Variants in DTWD2 observed in about 807,000 individuals in gnomAD.
DTWD2 encodes tRNA-uridine aminocarboxypropyltransferase 2.
Under a neutral mutation model 31.8 loss-of-function variants are expected in DTWD2, and 39 were observed. The observed-to-expected ratio is 1.22, with a 90% CI of 0.95 to 1.60. The LOEUF (loss-of-function observed/expected upper bound fraction) is 1.60, where lower values mean the gene tolerates loss of function less well. Ranked by LOEUF, DTWD2 falls within the 40% of genes most tolerant of loss-of-function variation. DTWD2 has a pLI of 0.00. For synonymous variants in DTWD2, 180 were observed against 142.8 expected (o/e 1.26, Z -1.86); for missense variants, 515 against 381.5 (o/e 1.35, Z -2.92).
At chr5:118,921,005 A>T (rs1160708844) in intron 4 of DTWD2, among the ~76,000 whole-genome samples, 2 of 152,160 alleles carry the variant, frequency 1.3e-5, no homozygotes, top group Non-Finnish European at 2.9e-5. Context: ...AACCCTTTTT[A>T]AATTATCCTT....
chr5:118,925,697 T>C (rs1580412929), intron 4 of DTWD2, among the ~76,000 whole-genome samples: 1 of 151,720 alleles, frequency 6.6e-6, no homozygotes, highest in East Asian at 2.0e-4. Flanking sequence ...TACAAAAAAT[T>C]AGCCGGGCGC....
intron 1 of DTWD2, among the ~76,000 whole-genome samples, chr5:118,975,242 T>A (rs1459277200): frequency 6.6e-6 from 1 of 152,184 alleles, no homozygotes; most frequent in Non-Finnish European, 1.5e-5. Context: ...CTTTTTTCTG[T>A]AATCTTGTCT....
intron 4 of DTWD2, among the ~76,000 whole-genome samples, chr5:118,878,528 T>G (rs867917456): frequency 6.6e-6 from 1 of 152,144 alleles, no homozygotes; most frequent in Non-Finnish European, 1.5e-5. Flanking sequence ...AATTAAAAAC[T>G]TAACTGTAAA....
At chr5:118,859,989 G>A (rs1339886534) in intron 4 of DTWD2, among the ~76,000 whole-genome samples, 1 of 151,924 alleles carries the variant, frequency 6.6e-6, no homozygotes, top group Non-Finnish European at 1.5e-5. Flanking sequence ...GTGGTAGCAT[G>A]CACCTGCAGT....
At chr5:118,974,928 C>A (rs1291707787) in intron 1 of DTWD2, among the ~76,000 whole-genome samples, 1 of 152,160 alleles carries the variant, frequency 6.6e-6, no homozygotes, top group Non-Finnish European at 1.5e-5. Flanking sequence ...TGTGGGTAAC[C>A]CAACCTTTCT....
At chr5:118,947,204 A>G (rs1754358330) in intron 1 of DTWD2, among the ~76,000 whole-genome samples, 1 of 152,144 alleles carries the variant, frequency 6.6e-6, no homozygotes, top group South Asian at 2.1e-4. Context: ...TGTCTAGGTG[A>G]GTACTCGTGA....
At chr5:118,863,919 G>C (rs772478717) in intron 4 of DTWD2, among the ~76,000 whole-genome samples, 3 of 151,756 alleles carry the variant, frequency 2.0e-5, no homozygotes, top group Non-Finnish European at 4.4e-5. Flanking sequence ...TGTCTGTCCA[G>C]CCAAGGATCT....
rs575963484 is a variant in DTWD2, at chr5:118,984,486, A to C, written c.218+3808T>G. 3.2e-3 allele frequency among the ~76,000 whole-genome samples: 488 copies of C among 152,114 alleles called. 2 individuals carry two copies. The highest frequency in any genetic ancestry group is 0.011 in the African/African-American group (477 of 41,526). Reference sequence around the variant, plus strand: ...AAAAAAAAAAAAAAAGCAGCAATCTAAAAGTTTGTTACAAGAACTAAATAA... The same window carrying C: ...AAAAAAAAAAAAAAAGCAGCAATCTCAAAGTTTGTTACAAGAACTAAATAA... On this transcript the variant is annotated intron_variant, in intron 1 of 5. Transcript: ENST00000510708.
intron 1 of DTWD2, among the ~76,000 whole-genome samples, chr5:118,954,693 ATAAT>A (rs998581681): frequency 6.6e-6 from 1 of 152,072 alleles, no homozygotes; most frequent in African/African-American, 2.4e-5. Flanking sequence ...TTGTATTTGA[ATAAT>A]TAATGTTATT....
rs75653174 is a variant in DTWD2 at position 118,880,428 on chromosome 5, G to C, written c.598-32210C>G. On this transcript the variant is annotated intron_variant, in intron 4 of 5. Coordinates refer to ENST00000510708, the MANE Select transcript of DTWD2 (RefSeq NM_173666.4). Reference sequence around the variant, plus strand: ...TGCCACCTGATTTTCAAGTGGAATGGGGTTTTGTTTTGTTTTTTCATTAGA... The same window carrying C: ...TGCCACCTGATTTTCAAGTGGAATGCGGTTTTGTTTTGTTTTTTCATTAGA... Among the ~76,000 whole-genome samples the C allele has an allele frequency of 4.8e-3, 737 of 152,114 alleles. 6 individuals carry two copies. Among genetic ancestry groups the C allele is most frequent in the African/African-American group, 0.017 (702 of 41,506 alleles).
chr5:118,848,255 T>C, intron 4 of DTWD2, 37 bp from the exon 5 acceptor site: 8 of 1,531,564 alleles, frequency 5.2e-6, no homozygotes, highest in African/African-American at 1.4e-5. Flanking sequence ...AATTTTTGTT[T>C]TAAATTTAAA....
intron 5 of DTWD2, among the ~76,000 whole-genome samples, chr5:118,844,409 A>G (rs1751798915): frequency 6.6e-6 from 1 of 152,212 alleles, no homozygotes; most frequent in African/African-American, 2.4e-5. Context: ...TAAATACTGT[A>G]GTAGCTAATG....
At chr5:118,864,384 G>T (rs1340990934) in intron 4 of DTWD2, among the ~76,000 whole-genome samples, 1 of 151,238 alleles carries the variant, frequency 6.6e-6, no homozygotes, top group African/African-American at 2.4e-5. Flanking sequence ...CTGTTGTGGG[G>T]TGGGGGGAAG....
intron 4 of DTWD2, among the ~76,000 whole-genome samples, chr5:118,915,288 C>G (rs1753548821): frequency 6.6e-6 from 1 of 151,834 alleles, no homozygotes; most frequent in South Asian, 2.1e-4. Context: ...TACTAGAAGG[C>G]TTTCACTAAA....
intron 4 of DTWD2, among the ~76,000 whole-genome samples, chr5:118,851,150 C>A (rs1356696344): frequency 2.8e-5 from 4 of 141,120 alleles, no homozygotes; most frequent in Non-Finnish European, 6.0e-5. Flanking sequence ...ACCTGAGAGG[C>A]AGAGATTACA....
chr5:118,952,751 T>A (rs572401562), intron 1 of DTWD2, among the ~76,000 whole-genome samples: 190 of 152,302 alleles, frequency 1.2e-3, no homozygotes, highest in African/African-American at 4.4e-3. Context: ...CTTTAACCCA[T>A]AAATCTGCAA....
chr5:118,843,339 G>A (rs11959087), intron 5 of DTWD2, among the ~76,000 whole-genome samples: 1 of 137,084 alleles, frequency 7.3e-6, no homozygotes, highest in Non-Finnish European at 1.5e-5. Flanking sequence ...GCGAGGGAGG[G>A]AGGGAGGCAG....
Position 118,848,429 on chromosome 5 carries a change from C to A in DTWD2, c.598-211G>T, listed in dbSNP as rs76976932. On this transcript the variant is annotated intron_variant, in intron 4 of 5. Coordinates refer to ENST00000510708, the MANE Select transcript of DTWD2 (RefSeq NM_173666.4). The stretch of plus-strand genomic sequence containing the variant: ...GAAGAAGACATATCCACAATATATA[C>A]AACCAAAATAAAAAGACTAATAATC... Among the ~76,000 whole-genome samples, 4,261 of 152,070 alleles carry A rather than the reference C, an allele frequency of 0.028. 72 individuals carry two copies. The highest frequency in any genetic ancestry group is 0.048 in the Middle Eastern group (14 of 294).
At chr5:118,853,587 G>A (rs1752063693) in intron 4 of DTWD2, among the ~76,000 whole-genome samples, 1 of 152,180 alleles carries the variant, frequency 6.6e-6, no homozygotes, top group Non-Finnish European at 1.5e-5. Context: ...ATGAAATCAT[G>A]TCCTTTGCAG....
Sources: gnomAD v4.1 joint callset for allele counts (sites outside exome capture counted in the v4.1 genomes callset) on GRCh38, gnomAD v4.1.1 for gene constraint, MANE v1.5 for transcripts, NCBI Gene and HGNC (gene_info 2026-07-23, HGNC 2026-07-21) for gene names.